The following NT5DC3 variants were observed in gnomAD, a reference collection of about 807,000 sequenced individuals.
The protein encoded by NT5DC3 is 5'-nucleotidase domain containing 3, also known as 5'-nucleotidase domain-containing protein 3.
In NT5DC3, 42 loss-of-function variants were observed where a neutral mutation model predicts 67.8. That is an observed-to-expected ratio of 0.62 (90% CI 0.48 to 0.80). NT5DC3 has a LOEUF of 0.80. Ranked by LOEUF, NT5DC3 falls within the 30% of genes least tolerant of loss-of-function variation. The pLI, the probability that NT5DC3 is intolerant of heterozygous loss-of-function variation, is 0.00. For missense variants in NT5DC3, 570 were observed against 696.4 expected (o/e 0.82, Z 2.04); for synonymous variants, 237 against 255.6 (o/e 0.93, Z 0.69).
the NT5DC3 span, among the ~76,000 whole-genome samples, chr12:103,752,575 T>C: frequency 1.3e-5 from 2 of 152,186 alleles, no homozygotes; most frequent in Non-Finnish European, 2.9e-5. Context: ...GGGAAATGAA[T>C]TTTTAAAACT....
chr12:103,840,208 G>C (rs7971440), intron 1 of NT5DC3, among the ~76,000 whole-genome samples: 37,660 of 152,040 alleles, frequency 0.25, 5,022 homozygotes, highest in Non-Finnish European at 0.3. Context: ...CTACGTGCCC[G>C]GCACTGGTAT....
chr12:103,833,678 G>A (rs1315580856), intron 1 of NT5DC3, among the ~76,000 whole-genome samples: 4 of 147,918 alleles, frequency 2.7e-5, no homozygotes, highest in Non-Finnish European at 4.5e-5. Context: ...GCCAAGTAGT[G>A]AAACATTCTA....
At chr12:103,770,774 G>A (rs1293667681), downstream of NT5DC3, 1 of 152,222 alleles carries the variant, frequency 6.6e-6, no homozygotes, top group Non-Finnish European at 1.5e-5. Context: ...TGGTCTGAAT[G>A]TTTGTGACCC....
the NT5DC3 span, chr12:103,749,008 C>T: frequency 1.2e-6 from 2 of 1,614,062 alleles, no homozygotes; most frequent in Non-Finnish European, 1.7e-6. Flanking sequence ...GCAAAGGTGG[C>T]CAGATGCTCC....
chr12:103,811,338 C>A (rs1862695064), intron 2 of NT5DC3, among the ~76,000 whole-genome samples: 1 of 152,056 alleles, frequency 6.6e-6, no homozygotes, highest in Non-Finnish European at 1.5e-5. Flanking sequence ...AGAAAGAGTG[C>A]TCCAAGGCAG....
At chr12:103,820,078 G>T (rs79014697) in intron 1 of NT5DC3, among the ~76,000 whole-genome samples, 15,449 of 152,196 alleles carry the variant, frequency 0.1, 1,124 homozygotes, top group East Asian at 0.3. Context: ...TGTAGCATAT[G>T]TCAGCCTCTC....
At chr12:103,836,040 G>A (rs1362897836) in intron 1 of NT5DC3, among the ~76,000 whole-genome samples, 2 of 152,062 alleles carry the variant, frequency 1.3e-5, no homozygotes, top group East Asian at 1.9e-4. Context: ...TCACTATCAC[G>A]AGAATAGCAT....
At chr12:103,806,045 C>T (rs986209808) in intron 4 of NT5DC3, among the ~76,000 whole-genome samples, 5 of 152,056 alleles carry the variant, frequency 3.3e-5, no homozygotes, top group Non-Finnish European at 5.9e-5. Context: ...GACCTCTGAG[C>T]ACATTTCTAT....
intron 7 of NT5DC3, among the ~76,000 whole-genome samples, 196 bp from the exon 8 acceptor site, chr12:103,793,708 T>C (rs1382534892): frequency 6.6e-6 from 1 of 152,196 alleles, no homozygotes; most frequent in African/African-American, 2.4e-5. Flanking sequence ...CTCCTCGGTC[T>C]AAGTGGAAAC....
At chr12:103,807,107 C>T (rs1026630376) in intron 2 of NT5DC3, among the ~76,000 whole-genome samples, 178 bp from the exon 3 acceptor site, 4 of 152,188 alleles carry the variant, frequency 2.6e-5, no homozygotes, top group South Asian at 2.1e-4. Context: ...CTAGCAAGCA[C>T]GCTGGCCAGA....
the NT5DC3 span, chr12:103,763,729 G>T: frequency 1.0e-6 from 1 of 974,376 alleles, no homozygotes; most frequent in Non-Finnish European, 1.5e-6. Flanking sequence ...TGTATGTCAG[G>T]TAACAAGCCT....
chr12:103,746,355 AT>A, the NT5DC3 span: 2,481 of 364,872 alleles, frequency 6.8e-3, 67 homozygotes, highest in East Asian at 0.068. Context: ...CCTAAAGAAC[AT>A]TTTTTCTCAT....
In NT5DC3 at chr12:103,791,009, C is replaced by A. The variant is rs1886032768; in HGVS notation, c.1020-2090G>T. On this transcript the variant is annotated intron_variant, in intron 9 of 13. Coordinates refer to ENST00000392876, the MANE Select transcript of NT5DC3 (RefSeq NM_001031701.3). ...CGGCCAAGTACATCATTTTTAATGA[C>A]TGCATAATACCCCCTCACATGGCTA... is the stretch of plus-strand genomic sequence containing the variant. Among the ~76,000 whole-genome samples, 3 of 152,118 alleles carry A rather than the reference C, an allele frequency of 2.0e-5. No homozygotes were observed. In the South Asian group the frequency reaches 6.2e-4, roughly 31 times the overall value.
chr12:103,803,137 C>T (rs890168556), intron 4 of NT5DC3, among the ~76,000 whole-genome samples: 13 of 152,230 alleles, frequency 8.5e-5, no homozygotes, highest in Middle Eastern at 3.4e-3. Flanking sequence ...TTGCCTTCTT[C>T]GTTCTCTCCC....
At chr12:103,779,005 C>G (rs1885443200) in intron 13 of NT5DC3, among the ~76,000 whole-genome samples, 1 of 152,190 alleles carries the variant, frequency 6.6e-6, no homozygotes, top group Non-Finnish European at 1.5e-5. Context: ...GGAATGCTCT[C>G]AGGAGGCTCC....
At chr12:103,771,936 C>T (rs1593373709), downstream of NT5DC3, among the ~76,000 whole-genome samples, 2 of 152,160 alleles carry the variant, frequency 1.3e-5, no homozygotes, top group African/African-American at 4.8e-5. Flanking sequence ...CTAGTGAGTC[C>T]ACCAACACCC....
intron 10 of NT5DC3, among the ~76,000 whole-genome samples, chr12:103,788,220 T>C (rs1346294193): frequency 6.6e-6 from 1 of 152,154 alleles, no homozygotes; most frequent in Non-Finnish European, 1.5e-5. Context: ...GTGGGAGGAC[T>C]GCTTGAGCCC....
chr12:103,776,491 G>A lies in NT5DC3; in HGVS notation c.*1338C>T, dbSNP rs555625440. ...AATCGCTTGAACCCGGGAGGCAGAG[G>A]TTGCAGTGAGCTGAGATTGTGCCAC... is the stretch of plus-strand genomic sequence containing the variant. On this transcript the variant is annotated 3_prime_UTR_variant, in exon 14 of 14. Coordinates refer to ENST00000392876, the MANE Select transcript of NT5DC3 (RefSeq NM_001031701.3). 6.6e-6 allele frequency: 1 copy of A among 152,260 alleles called. No homozygotes were observed. The highest frequency in any genetic ancestry group is 6.5e-5 in the Admixed American group (1 of 15,276). 9.4% of individuals were successfully genotyped at this position (152,260 alleles called of 1,614,324 possible). A position where few individuals can be genotyped will look rare whatever the true frequency, so the allele number is the denominator to read the frequency against.
intron 1 of NT5DC3, among the ~76,000 whole-genome samples, chr12:103,823,652 T>C (rs1317474013): frequency 1.3e-5 from 2 of 152,218 alleles, no homozygotes; most frequent in Non-Finnish European, 2.9e-5. Flanking sequence ...TTATTTAACA[T>C]GGCTTCAAAT....
Sources: allele counts gnomAD v4.1 joint callset (sites outside exome capture counted in the v4.1 genomes callset), GRCh38; gene constraint gnomAD v4.1.1; transcripts MANE v1.5; gene names NCBI Gene and HGNC (gene_info 2026-07-23, HGNC 2026-07-21).